Variants in LGSN observed in about 807,000 individuals in gnomAD.
LGSN encodes the protein lengsin, lens protein with glutamine synthetase domain.
A neutral mutation model predicts 19.5 loss-of-function variants in LGSN; 21 were observed. The ratio of observed to expected loss-of-function variants is 1.07; its 90% confidence interval spans 0.76 to 1.55. The LOEUF (loss-of-function observed/expected upper bound fraction) is 1.55, where lower values mean the gene tolerates loss of function less well. LGSN is among the 40% of genes most tolerant of loss of function. The pLI is 0.00. For missense variants in LGSN, 673 were observed against 608.5 expected, an observed-to-expected ratio of 1.11 and a Z score of -1.12; for synonymous variants, 257 against 215.6, an observed-to-expected ratio of 1.19 and a Z score of -1.68.
chr6:63,418,165 A>G, the LGSN span, among the ~76,000 whole-genome samples: 3 of 152,132 alleles, frequency 2.0e-5, no homozygotes, highest in Non-Finnish European at 2.9e-5. Context: ...GATTGTTTAA[A>G]TTTTAAAAAT....
At chr6:63,412,022 T>C in the LGSN span, among the ~76,000 whole-genome samples, 1 of 151,892 alleles carries the variant, frequency 6.6e-6, no homozygotes, top group African/African-American at 2.4e-5. Flanking sequence ...ATACTAAAGG[T>C]AAAGAGAAAA....
chr6:63,516,219 C>A, the LGSN span, among the ~76,000 whole-genome samples: 2 of 152,110 alleles, frequency 1.3e-5, no homozygotes, highest in South Asian at 4.1e-4. Context: ...ATTCTCTAAA[C>A]CTGTCACTAA....
the LGSN span, among the ~76,000 whole-genome samples, chr6:63,412,567 A>AAAGAAAGAAAGGAAGG: frequency 7.4e-5 from 9 of 121,594 alleles, no homozygotes; most frequent in Non-Finnish European, 9.8e-5. Flanking sequence ...AGAAAGAAAG[A>AAAGAAAGAAAGGAAGG]AAGGAAGGAA....
chr6:63,314,836 A>G (rs1768778392), intron 1 of LGSN, among the ~76,000 whole-genome samples: 1 of 152,172 alleles, frequency 6.6e-6, no homozygotes, highest in Admixed American at 6.6e-5. Flanking sequence ...AAGGGCCCAG[A>G]AAGAATTGGA....
At chr6:63,413,963 T>C in the LGSN span, among the ~76,000 whole-genome samples, 3 of 152,144 alleles carry the variant, frequency 2.0e-5, no homozygotes, top group Non-Finnish European at 4.4e-5. Flanking sequence ...GGATTCATTA[T>C]TATATTCACC....
At chr6:63,342,409 G>T in the LGSN span, among the ~76,000 whole-genome samples, 450 of 152,164 alleles carry the variant, frequency 3.0e-3, 3 homozygotes, top group African/African-American at 0.01. Flanking sequence ...ATTATTTAAG[G>T]CTGTTAAAAA....
chr6:63,391,911 G>C, the LGSN span, among the ~76,000 whole-genome samples: 1 of 152,200 alleles, frequency 6.6e-6, no homozygotes, highest in African/African-American at 2.4e-5. Flanking sequence ...GACGCACAGA[G>C]CAACTTGGTC....
the LGSN span, among the ~76,000 whole-genome samples, chr6:63,462,040 C>T: frequency 6.6e-6 from 1 of 152,050 alleles, no homozygotes. Context: ...AGGACTTTTC[C>T]TTCGTTTCTT....
At chr6:63,484,481 G>A in the LGSN span, among the ~76,000 whole-genome samples, 2 of 150,952 alleles carry the variant, frequency 1.3e-5, no homozygotes, top group East Asian at 2.0e-4. Context: ...CCAAGATAGC[G>A]CCACTACACT....
At chr6:63,547,485 C>G in the LGSN span, among the ~76,000 whole-genome samples, 1 of 149,502 alleles carries the variant, frequency 6.7e-6, no homozygotes, top group Non-Finnish European at 1.5e-5. Flanking sequence ...CCACCTCGCC[C>G]GGCCAGGGGG....
At chr6:63,400,216 G>C in the LGSN span, among the ~76,000 whole-genome samples, 2 of 152,180 alleles carry the variant, frequency 1.3e-5, no homozygotes, top group Non-Finnish European at 2.9e-5. Flanking sequence ...TCACTAAAGA[G>C]AGCCTCAACT....
the LGSN span, among the ~76,000 whole-genome samples, chr6:63,511,263 T>A: frequency 9.0e-6 from 1 of 111,692 alleles, no homozygotes; most frequent in African/African-American, 4.0e-5. Flanking sequence ...TTTTTTTTTT[T>A]TTTTTTTGAG....
At chr6:63,287,249 C>A (rs1057120350) in intron 2 of LGSN, among the ~76,000 whole-genome samples, 8 of 152,194 alleles carry the variant, frequency 5.3e-5, no homozygotes, top group African/African-American at 1.4e-4. Flanking sequence ...TTTATAACTA[C>A]CTTCCATTTA....
chr6:63,386,535 C>T, the LGSN span, among the ~76,000 whole-genome samples: 1,289 of 152,112 alleles, frequency 8.5e-3, 21 homozygotes, highest in African/African-American at 0.029. Context: ...CATCACTTTT[C>T]GTCAGGTATT....
chr6:63,435,738 CTCAG>C, the LGSN span, among the ~76,000 whole-genome samples: 1 of 151,778 alleles, frequency 6.6e-6, no homozygotes, highest in Non-Finnish European at 1.5e-5. Flanking sequence ...GTGGGTCGCA[CTCAG>C]TATCTTCTTA....
At chr6:63,507,081 A>T in the LGSN span, among the ~76,000 whole-genome samples, 1 of 152,112 alleles carries the variant, frequency 6.6e-6, no homozygotes, top group Non-Finnish European at 1.5e-5. Context: ...TACAAAGTAC[A>T]TTTCTCTCTC....
At chr6:63,388,726 G>A in the LGSN span, among the ~76,000 whole-genome samples, 1 of 152,192 alleles carries the variant, frequency 6.6e-6, no homozygotes, top group South Asian at 2.1e-4. Context: ...AAAAATAATA[G>A]AGGTCCTAAA....
the LGSN span, among the ~76,000 whole-genome samples, chr6:63,563,465 T>G: frequency 6.6e-6 from 1 of 152,224 alleles, no homozygotes; most frequent in African/African-American, 2.4e-5. Flanking sequence ...TCTCATCATT[T>G]AGATCTGGAT....
chr6:63,538,762 C>A, the LGSN span, among the ~76,000 whole-genome samples: 4 of 152,194 alleles, frequency 2.6e-5, no homozygotes, highest in Non-Finnish European at 5.9e-5. Context: ...GACTGATGGG[C>A]CCCACCTCCA....
Sources: gnomAD v4.1 joint callset for allele counts (sites outside exome capture counted in the v4.1 genomes callset) on GRCh38, gnomAD v4.1.1 for gene constraint, MANE v1.5 for transcripts, NCBI Gene and HGNC (gene_info 2026-07-23, HGNC 2026-07-21) for gene names.